Variants in CD2AP observed in about 807,000 individuals in gnomAD.
CD2AP encodes CD2-associated protein.
Under a neutral mutation model 85.1 loss-of-function variants are expected in CD2AP, and 46 were observed. That is an observed-to-expected ratio of 0.54 (90% CI 0.43 to 0.69). The LOEUF is 0.69. CD2AP is among the 30% of genes least tolerant of loss of function. The pLI is 0.00. For synonymous variants in CD2AP, 255 were observed against 252.9 expected, an observed-to-expected ratio of 1.01 and a Z score of -0.08; for missense variants, 769 against 729.5, an observed-to-expected ratio of 1.05 and a Z score of -0.62.
At chr6:47,524,254 T>C (rs1168820115) in intron 2 of CD2AP, among the ~76,000 whole-genome samples, 2 of 152,132 alleles carry the variant, frequency 1.3e-5, no homozygotes, top group African/African-American at 2.4e-5. Context: ...GAAAGTTGAG[T>C]GCCAGAGCTG....
intron 2 of CD2AP, among the ~76,000 whole-genome samples, chr6:47,505,759 C>T (rs1268521403): frequency 4.5e-4 from 35 of 78,596 alleles, no homozygotes; most frequent in African/African-American, 9.5e-4. Flanking sequence ...CGGGCAGAGG[C>T]GCCCCTCACC....
intron 11 of CD2AP, among the ~76,000 whole-genome samples, chr6:47,591,205 A>G (rs768585659): frequency 6.6e-6 from 1 of 152,166 alleles, no homozygotes; most frequent in Non-Finnish European, 1.5e-5. Flanking sequence ...ATATTCATAA[A>G]TAATCTGTGG....
chr6:47,607,597 G>A (rs992217046), intron 14 of CD2AP, among the ~76,000 whole-genome samples: 7 of 152,074 alleles, frequency 4.6e-5, no homozygotes, highest in Non-Finnish European at 1.5e-5. Flanking sequence ...ATGTCTAAAT[G>A]TATTAACTTC....
rs1278499098 is a variant in CD2AP at position 47,568,586 on chromosome 6, C to CA, written c.542-5470dup. 1.2e-4 allele frequency among the ~76,000 whole-genome samples: 18 copies of CA among 151,660 alleles called. No homozygotes were observed. In the East Asian group the frequency reaches 3.1e-3, roughly 26 times the overall value. ...GAAACCCCGTCTCTACTAAAAAATA[C>CA]AAAAAAAATTAGCTGGGCATGGTGG... On this transcript the variant is annotated intron_variant, in intron 5 of 17. Coordinates refer to ENST00000359314, the MANE Select transcript of CD2AP (RefSeq NM_012120.3).
chr6:47,479,429 G>C (rs1334737089), intron 1 of CD2AP, among the ~76,000 whole-genome samples: 1 of 152,134 alleles, frequency 6.6e-6, no homozygotes, highest in African/African-American at 2.4e-5. Context: ...GCTATCCTCT[G>C]TTTTCTTAGA....
At chr6:47,512,326 A>C (rs1766339971) in intron 2 of CD2AP, among the ~76,000 whole-genome samples, 1 of 152,190 alleles carries the variant, frequency 6.6e-6, no homozygotes, top group Non-Finnish European at 1.5e-5. Flanking sequence ...TGGGTTGCAG[A>C]ACGAGACTCT....
At chr6:47,514,097 C>G (rs9473126) in intron 2 of CD2AP, among the ~76,000 whole-genome samples, 34,437 of 151,966 alleles carry the variant, frequency 0.23, 4,070 homozygotes, top group Non-Finnish European at 0.27. Flanking sequence ...AACCAATAGA[C>G]TTTTGTCTTC....
intron 5 of CD2AP, among the ~76,000 whole-genome samples, chr6:47,565,380 T>C (rs149963997): frequency 1.1e-4 from 16 of 152,302 alleles, no homozygotes; most frequent in Non-Finnish European, 1.9e-4. Context: ...GTCTTTTTGT[T>C]AACATGCAGA....
chr6:47,530,364 A>G (rs1213271645), intron 2 of CD2AP, among the ~76,000 whole-genome samples: 1 of 152,166 alleles, frequency 6.6e-6, no homozygotes, highest in East Asian at 1.9e-4. Context: ...TTTACTGTCC[A>G]TCTCTCTTTC....
chr6:47,505,237 A>G (rs1462473654), intron 2 of CD2AP, among the ~76,000 whole-genome samples: 2 of 146,184 alleles, frequency 1.4e-5, no homozygotes, highest in Non-Finnish European at 3.0e-5. Flanking sequence ...ACTCTTAACG[A>G]GCATGCTGCC....
Position 47,589,341 on chromosome 6 carries a change from A to G in CD2AP, c.1109-6520A>G, listed in dbSNP as rs114137390. Among the ~76,000 whole-genome samples the G allele has an allele frequency of 7.6e-3, 1,006 of 132,096 alleles. 12 individuals carry two copies. The highest frequency in any genetic ancestry group is 0.025 in the African/African-American group (931 of 37,716). 86.7% of individuals were successfully genotyped at this position (132,096 alleles called of 152,430 possible). ...AAGAGAGCTTTCTCAGGATATATAC[A>G]TTTAAGAAGTTGTTTGATGACCAGG... On this transcript the variant is annotated intron_variant, in intron 11 of 17. Coordinates refer to ENST00000359314, the MANE Select transcript of CD2AP (RefSeq NM_012120.3).
At position 47,534,834 on chromosome 6, in the gene CD2AP, CTG is replaced by C. The variant is rs1766983648; in HGVS notation, c.319+1081_319+1082del. ...TTTTTTTTTGAGATAGACTCTCACT[CTG>C]TTGTCCTGGCTGCAGTGGTGCAGTC... is the stretch of plus-strand genomic sequence containing the variant. On this transcript the variant is annotated intron_variant, in intron 3 of 17. Transcript: ENST00000359314. Among the ~76,000 whole-genome samples, 3 of 150,652 alleles carry C rather than the reference CTG, an allele frequency of 2.0e-5. No homozygotes were observed. In the South Asian group the frequency reaches 6.3e-4, roughly 31 times the overall value.
chr6:47,532,827 A>C (rs956349788), intron 2 of CD2AP, among the ~76,000 whole-genome samples: 2 of 152,224 alleles, frequency 1.3e-5, no homozygotes, highest in African/African-American at 4.8e-5. Context: ...CATCAATTTT[A>C]AGGGAGAACT....
intron 2 of CD2AP, among the ~76,000 whole-genome samples, chr6:47,516,084 A>G (rs758717684): frequency 1.3e-5 from 2 of 152,208 alleles, no homozygotes; most frequent in Non-Finnish European, 2.9e-5. Flanking sequence ...AGATTTTATT[A>G]TACAGTTTAA....
chr6:47,588,913 T>TTA (rs1361566968), intron 11 of CD2AP, among the ~76,000 whole-genome samples: 11 of 152,132 alleles, frequency 7.2e-5, no homozygotes, highest in Admixed American at 7.2e-4. Flanking sequence ...CCAATGAAAC[T>TTA]TATAAGAAGA....
chr6:47,495,496 C>T (rs1173530781), intron 1 of CD2AP, among the ~76,000 whole-genome samples: 3 of 152,174 alleles, frequency 2.0e-5, no homozygotes, highest in Non-Finnish European at 4.4e-5. Context: ...TCAAGCTACC[C>T]ACTTTGTGAT....
intron 17 of CD2AP, among the ~76,000 whole-genome samples, chr6:47,617,410 G>A (rs746967141): frequency 5.3e-5 from 8 of 152,038 alleles, no homozygotes; most frequent in Non-Finnish European, 1.0e-4. Flanking sequence ...AATCAAATTC[G>A]TATTTTCCCA....
At chr6:47,525,774 T>C (rs1008052998) in intron 2 of CD2AP, among the ~76,000 whole-genome samples, 17 of 152,052 alleles carry the variant, frequency 1.1e-4, no homozygotes, top group Admixed American at 7.9e-4. Context: ...CTACTCTTTA[T>C]CTATAAGCAA....
intron 1 of CD2AP, among the ~76,000 whole-genome samples, chr6:47,501,644 G>A (rs935102389): frequency 3.3e-5 from 5 of 151,702 alleles, no homozygotes; most frequent in Non-Finnish European, 5.9e-5. Flanking sequence ...GGTGGTGGTT[G>A]TGATTGTTGT....
Sources: allele counts gnomAD v4.1 joint callset (sites outside exome capture counted in the v4.1 genomes callset), GRCh38; gene constraint gnomAD v4.1.1; transcripts MANE v1.5; gene names NCBI Gene and HGNC (gene_info 2026-07-23, HGNC 2026-07-21).